Variants in DISC1 observed in about 807,000 individuals in gnomAD.
DISC1 encodes disrupted in schizophrenia 1 protein.
A neutral mutation model predicts 84.5 loss-of-function variants in DISC1; 57 were observed. The ratio of observed to expected loss-of-function variants is 0.67; its 90% confidence interval spans 0.55 to 0.84. The LOEUF (loss-of-function observed/expected upper bound fraction) is 0.84. DISC1 is among the 40% of genes least tolerant of loss of function. DISC1 has a pLI of 0.00. For missense variants in DISC1, 1,000 were observed against 1,057.8 expected (o/e 0.95, Z 0.76); for synonymous variants, 411 against 415.2 (o/e 0.99, Z 0.12).
chr1:231,796,182 A>G (rs544588959), intron 7 of DISC1, among the ~76,000 whole-genome samples: 27 of 152,290 alleles, frequency 1.8e-4, no homozygotes, highest in Non-Finnish European at 3.4e-4. Context: ...AGTTTACAAA[A>G]CAAAAGCCCT....
intron 11 of DISC1, among the ~76,000 whole-genome samples, chr1:232,018,915 A>C (rs1420951850): frequency 6.6e-6 from 1 of 152,174 alleles, no homozygotes; most frequent in Admixed American, 6.5e-5. Flanking sequence ...AGCATCCAGA[A>C]AGGTTCTTCT....
rs1200959736 is a variant in DISC1 at position 231,713,680 on chromosome 1, G to GATAT, written c.1117+11672_1117+11675dup. ...GGGACCTCTAGGACATCATGAAGCA[G>GATAT]ATATATATATATATATATAGGAGAT... On this transcript the variant is annotated intron_variant, in intron 3 of 12. Coordinates refer to ENST00000439617, the MANE Select transcript of DISC1 (RefSeq NM_018662.3). Among the ~76,000 whole-genome samples the GATAT allele has an allele frequency of 2.7e-3, 331 of 120,798 alleles. 5 individuals carry two copies. The highest frequency in any genetic ancestry group is 0.01 in the African/African-American group (300 of 29,140). 79.2% of individuals were successfully genotyped at this position (120,798 alleles called of 152,430 possible). A position where few individuals can be genotyped will look rare whatever the true frequency, so the allele number is the denominator to read the frequency against.
At chr1:231,803,918 G>T (rs985844427) in intron 8 of DISC1, among the ~76,000 whole-genome samples, 3 of 114,430 alleles carry the variant, frequency 2.6e-5, no homozygotes, top group Admixed American at 1.3e-4. Context: ...CTACACTCCA[G>T]CCTGGGTGAC....
At chr1:231,965,414 T>G (rs920972332) in intron 10 of DISC1, among the ~76,000 whole-genome samples, 2 of 152,164 alleles carry the variant, frequency 1.3e-5, no homozygotes, top group Non-Finnish European at 2.9e-5. Flanking sequence ...GGTCAGTACC[T>G]GGTCATTCCA....
At chr1:231,824,233 T>G (rs1210574010) in intron 9 of DISC1, among the ~76,000 whole-genome samples, 1 of 152,180 alleles carries the variant, frequency 6.6e-6, no homozygotes, top group Non-Finnish European at 1.5e-5. Flanking sequence ...AGATGAGTGT[T>G]GCGGTGCTAT....
At chr1:231,691,806 G>GC (rs2065049248) in intron 1 of DISC1, among the ~76,000 whole-genome samples, 1 of 152,116 alleles carries the variant, frequency 6.6e-6, no homozygotes, top group South Asian at 2.1e-4. Flanking sequence ...GCCTCTCTCT[G>GC]CCCCCTCCTA....
At chr1:231,959,011 C>G (rs1034864637) in intron 10 of DISC1, 123 bp downstream of exon 10, 5 of 1,452,974 alleles carry the variant, frequency 3.4e-6, no homozygotes, top group Non-Finnish European at 4.5e-6. Flanking sequence ...CAAAGAAAGA[C>G]ACAAAAAAGC....
At chr1:231,754,191 A>G (rs2074903392) in intron 4 of DISC1, among the ~76,000 whole-genome samples, 1 of 152,200 alleles carries the variant, frequency 6.6e-6, no homozygotes, top group African/African-American at 2.4e-5. Context: ...TCTTTACTTT[A>G]TAGCAATGCC....
chr1:231,772,749 G>A (rs534566059), intron 6 of DISC1, among the ~76,000 whole-genome samples: 2 of 152,198 alleles, frequency 1.3e-5, no homozygotes, highest in East Asian at 1.9e-4. Context: ...TTTAGTGAAC[G>A]ACTGTTCTGT....
At position 231,944,962 on chromosome 1, in the gene DISC1, A is replaced by C. The variant is rs1455383548; in HGVS notation, c.1982-13866A>C. 3 of 152,208 alleles carry C rather than the reference A, an allele frequency of 2.0e-5. No homozygotes were observed. The East Asian group carries it at 5.8e-4, about 29-fold the overall frequency. The allele number at this position is 152,208 out of a possible 1,614,324, so 9.4% of individuals were successfully genotyped here. ...AAAAAGCAAGTTCTTAGAGACCTACAAAGCGGCTTAGACTCCCACACAATA... is the reference window on the plus strand; with the variant it reads ...AAAAAGCAAGTTCTTAGAGACCTACCAAGCGGCTTAGACTCCCACACAATA... On this transcript the variant is annotated intron_variant, in intron 9 of 12. Transcript: ENST00000439617.
intron 10 of DISC1, 142 bp downstream of exon 10, chr1:231,959,030 C>T: frequency 1.4e-6 from 2 of 1,433,068 alleles, no homozygotes; most frequent in Non-Finnish European, 1.8e-6. Flanking sequence ...GCCTTTTGAA[C>T]CCCATCAGTG....
chr1:231,653,571 A>G (rs73113429), intron 1 of DISC1, among the ~76,000 whole-genome samples: 41 of 152,332 alleles, frequency 2.7e-4, no homozygotes, highest in African/African-American at 9.1e-4. Flanking sequence ...AATGCCACTC[A>G]TCTGTGTGTG....
chr1:231,816,731 G>A (rs1272389795), intron 8 of DISC1, among the ~76,000 whole-genome samples: 2 of 152,042 alleles, frequency 1.3e-5, no homozygotes. Context: ...TCCACTCCTG[G>A]ACTGTTTATT....
intron 8 of DISC1, among the ~76,000 whole-genome samples, chr1:231,802,090 T>C (rs2079315373): frequency 6.6e-6 from 1 of 151,970 alleles, no homozygotes; most frequent in South Asian, 2.1e-4. Flanking sequence ...TTAAGGGAGG[T>C]CCTTAAGATT....
chr1:231,831,643 A>G (rs61835436), intron 9 of DISC1, among the ~76,000 whole-genome samples: 40,715 of 144,932 alleles, frequency 0.28, 2,901 homozygotes, highest in Admixed American at 0.32. Flanking sequence ...CTTTGGAAGT[A>G]AAGCCGCCTT....
At chr1:232,020,289 C>G (rs903897689) in intron 11 of DISC1, among the ~76,000 whole-genome samples, 29 of 152,138 alleles carry the variant, frequency 1.9e-4, no homozygotes, top group Admixed American at 8.5e-4. Flanking sequence ...TCGCAGTGAG[C>G]CGAGATCACG....
At chr1:232,010,162 G>A (rs1046092349) in intron 11 of DISC1, among the ~76,000 whole-genome samples, 4 of 152,158 alleles carry the variant, frequency 2.6e-5, no homozygotes, top group Non-Finnish European at 5.9e-5. Context: ...CCAGTCACAG[G>A]CTCTACGTTA....
At chr1:231,874,701 G>T (rs1489737945) in intron 9 of DISC1, among the ~76,000 whole-genome samples, 1 of 151,686 alleles carries the variant, frequency 6.6e-6, no homozygotes, top group East Asian at 2.0e-4. Flanking sequence ...CACGAGGTCA[G>T]GAGATCGAGA....
At chr1:231,776,863 T>C (rs2077000467) in intron 6 of DISC1, among the ~76,000 whole-genome samples, 1 of 152,090 alleles carries the variant, frequency 6.6e-6, no homozygotes, top group African/African-American at 2.4e-5. Context: ...AGGATCCTGG[T>C]AGAGATTCTC....
Sources: gnomAD v4.1 joint callset for allele counts (sites outside exome capture counted in the v4.1 genomes callset) on GRCh38, gnomAD v4.1.1 for gene constraint, MANE v1.5 for transcripts, NCBI Gene and HGNC (gene_info 2026-07-23, HGNC 2026-07-21) for gene names.